The following NECTIN2 variants were observed in gnomAD, a reference collection of about 807,000 sequenced individuals.
NECTIN2 encodes nectin cell adhesion molecule 2, also known as nectin-2.
In NECTIN2, 23 loss-of-function variants were observed where a neutral mutation model predicts 56.9. The ratio of observed to expected loss-of-function variants is 0.40; its 90% confidence interval spans 0.29 to 0.57. The LOEUF is 0.57. NECTIN2 is among the 20% of genes least tolerant of loss of function. The probability of loss-of-function intolerance (pLI) is 0.38; values close to 1 mark genes in which losing one functional copy is unlikely to be tolerated. For synonymous variants in NECTIN2, 302 were observed against 313.8 expected (o/e 0.96, Z 0.40); for missense variants, 587 against 718.3 (o/e 0.82, Z 2.09).
At chr19:44,879,794 T>C (rs967309450) in intron 5 of NECTIN2, among the ~76,000 whole-genome samples, 2 of 152,124 alleles carry the variant, frequency 1.3e-5, no homozygotes, top group Non-Finnish European at 2.9e-5. Flanking sequence ...AGTAAGGACA[T>C]GCCCGTGATG....
chr19:44,858,397 G>C (rs1225367881), intron 1 of NECTIN2, among the ~76,000 whole-genome samples: 1 of 152,038 alleles, frequency 6.6e-6, no homozygotes, highest in East Asian at 1.9e-4. Flanking sequence ...CCATGTTGGA[G>C]TGCAGTGGCG....
In NECTIN2 at chr19:44,875,261, G is replaced by T. The variant is rs1969223268; in HGVS notation, c.1042+783G>T. 6.7e-6 allele frequency among the ~76,000 whole-genome samples: 1 copy of T among 150,094 alleles called. No homozygotes were observed. The highest frequency in any genetic ancestry group is 2.1e-4 in the South Asian group (1 of 4,666). ...ACGAAGCCAGATGACACCTGGAAAG[G>T]GACATTCTTTTTTTTTTTTTTTGAG... On this transcript the variant is annotated intron_variant, in intron 5 of 8. Transcript: ENST00000252483. This position sits in a 1 kb window ranked among gnomAD's most constrained non-coding sequence, Gnocchi z 4.2.
chr19:44,887,270 AC>A (rs1179535014), intron 8 of NECTIN2, among the ~76,000 whole-genome samples: 2 of 151,824 alleles, frequency 1.3e-5, no homozygotes, highest in African/African-American at 4.8e-5. Flanking sequence ...AATCGCTTGG[AC>A]CCAGGAGGCA....
intron 1 of NECTIN2, among the ~76,000 whole-genome samples, chr19:44,854,703 C>T (rs1272615662): frequency 1.3e-5 from 2 of 151,918 alleles, no homozygotes; most frequent in Admixed American, 1.3e-4. Flanking sequence ...ATCCCAGCTA[C>T]TTGGGAGGCT....
chr19:44,886,047 C>T (rs372207793), intron 7 of NECTIN2, 47 bp downstream of exon 7: 242 of 1,571,678 alleles, frequency 1.5e-4, no homozygotes, highest in Middle Eastern at 6.7e-4. Context: ...TCCACACCCA[C>T]CCCAGGGCTG....
chr19:44,878,109 C>T (rs1224058735), intron 5 of NECTIN2: 5 of 596,544 alleles, frequency 8.4e-6, no homozygotes, highest in Non-Finnish European at 1.5e-5. Flanking sequence ...CACTCCCGCT[C>T]CCTCCATCCC....
chr19:44,881,037 G>C (rs113525313), intron 5 of NECTIN2, among the ~76,000 whole-genome samples: 4,026 of 152,010 alleles, frequency 0.026, 197 homozygotes, highest in African/African-American at 0.09. Context: ...GCCTCCCAAA[G>C]TGCTGGGATT....
At chr19:44,871,725 C>T (rs1329692684) in intron 2 of NECTIN2, 128 bp from the exon 3 acceptor site, 18 of 1,050,198 alleles carry the variant, frequency 1.7e-5, no homozygotes, top group African/African-American at 8.1e-5. Flanking sequence ...CAAGCCAGGC[C>T]GCTGATAAGC....
At chr19:44,867,975 G>C (rs982731560) in intron 2 of NECTIN2, among the ~76,000 whole-genome samples, 4 of 152,208 alleles carry the variant, frequency 2.6e-5, no homozygotes, top group East Asian at 1.9e-4. Context: ...ATGAGGCAGT[G>C]GGGGGCAGAG....
intron 1 of NECTIN2, among the ~76,000 whole-genome samples, chr19:44,853,798 T>C (rs1220380119): frequency 6.6e-6 from 1 of 152,196 alleles, no homozygotes; most frequent in African/African-American, 2.4e-5. Flanking sequence ...TTTTAGAACC[T>C]CATTCATTCG....
chr19:44,873,797 T>G (rs1969204238), intron 3 of NECTIN2, 119 bp from the exon 4 acceptor site: 1 of 731,738 alleles, frequency 1.4e-6, no homozygotes, highest in African/African-American at 1.7e-5. Flanking sequence ...CAGACAGTTT[T>G]GACTGCTGTA....
intron 3 of NECTIN2, among the ~76,000 whole-genome samples, chr19:44,873,345 C>T (rs1353763435): frequency 6.6e-6 from 1 of 152,180 alleles, no homozygotes; most frequent in Admixed American, 6.6e-5. Flanking sequence ...CAAAAACACA[C>T]ACACAGGCCG....
rs748138451 is a variant in NECTIN2 at position 44,865,284 on chromosome 19, G to A, written c.102G>A (p.Val34=). ...LLLLETGAQD[V]RVQVLPEVRG... Reference sequence around the variant, plus strand: ...CTCTCTGCCCAGGAGCCCAGGATGTGCGAGTTCAAGTGCTACCCGAGGTGC... The same window carrying A: ...CTCTCTGCCCAGGAGCCCAGGATGTACGAGTTCAAGTGCTACCCGAGGTGC... Residue 34 remains valine, a synonymous_variant, in exon 2 of 9, where the codon GTG becomes GTA. Coordinates refer to ENST00000252483, the MANE Select transcript of NECTIN2 (RefSeq NM_001042724.2). The surrounding 1 kb of genome is among the most constrained non-coding windows in gnomAD (Gnocchi z 5.2). The A allele has an allele frequency of 5.6e-6, 9 of 1,611,592 alleles. No homozygotes were observed. In the African/African-American group the frequency reaches 1.1e-4, roughly 19 times the overall value.
chr19:44,871,795 G>C, intron 2 of NECTIN2, 58 bp from the exon 3 acceptor site: 1 of 1,560,360 alleles, frequency 6.4e-7, no homozygotes, highest in South Asian at 1.2e-5. Flanking sequence ...CCTCTGCTGA[G>C]TGTTTGTTGA....
chr19:44,854,541 A>T (rs1197357949), intron 1 of NECTIN2, among the ~76,000 whole-genome samples: 2 of 151,962 alleles, frequency 1.3e-5, no homozygotes, highest in Non-Finnish European at 2.9e-5. Context: ...GGCCAGGTGC[A>T]GTGGCTTATG....
At position 44,846,531 on chromosome 19, in the gene NECTIN2, C is replaced by T; in HGVS notation, c.6C>T (p.Ala2=). 6.6e-7 allele frequency: 1 copy of T among 1,519,036 alleles called. No individual in the cohort carries two copies. The highest frequency in any genetic ancestry group is 8.8e-7 in the Non-Finnish European group (1 of 1,140,314). The allele number at this position is 1,519,036 out of a possible 1,614,324, so 94.1% of individuals were successfully genotyped here. M[A]RAAALLPSRS... is the part of the protein sequence containing the mutation. ...AGTCCCCTCCCGGGCCCTCCATGGCCCGGGCCGCTGCCCTCCTGCCGTCGA... is the reference window on the plus strand; with the variant it reads ...AGTCCCCTCCCGGGCCCTCCATGGCTCGGGCCGCTGCCCTCCTGCCGTCGA... The change falls in exon 1 of 9, where the codon GCC becomes GCT. Residue 2 remains alanine, a synonymous_variant. Coordinates refer to ENST00000252483, the MANE Select transcript of NECTIN2 (RefSeq NM_001042724.2).
At chr19:44,846,778 G>A (rs924274287) in intron 1 of NECTIN2, among the ~76,000 whole-genome samples, 165 bp downstream of exon 1, 17 of 123,498 alleles carry the variant, frequency 1.4e-4, no homozygotes, top group African/African-American at 4.9e-4. Flanking sequence ...CTACACGTCC[G>A]ATTCTCTCGA....
At chr19:44,858,232 T>G (rs534734830) in intron 1 of NECTIN2, among the ~76,000 whole-genome samples, 2 of 152,266 alleles carry the variant, frequency 1.3e-5, no homozygotes, top group East Asian at 1.9e-4. Context: ...CACCTGAGTT[T>G]GTTTGACTTG....
chr19:44,882,783 AT>A (rs35310219), intron 6 of NECTIN2, among the ~76,000 whole-genome samples: 84,728 of 119,660 alleles, frequency 0.71, 28,751 homozygotes, highest in Middle Eastern at 0.86. Context: ...ATCCTACTAC[AT>A]TTTTTTTTTT....
Sources: gnomAD v4.1 joint callset for allele counts (sites outside exome capture counted in the v4.1 genomes callset) on GRCh38, gnomAD v4.1.1 for gene constraint, Gnocchi (gnomAD v3.1) non-coding constraint, MANE v1.5 for transcripts, NCBI Gene and HGNC (gene_info 2026-07-23, HGNC 2026-07-21) for gene names.